Variants in ARID4B observed in about 807,000 individuals in gnomAD.
ARID4B encodes the protein AT-rich interaction domain 4B, also known as AT-rich interactive domain-containing protein 4B.
In ARID4B, 26 loss-of-function variants were observed where a neutral mutation model predicts 147.5. The ratio of observed to expected loss-of-function variants is 0.18; its 90% confidence interval spans 0.13 to 0.24. The LOEUF is 0.24. ARID4B is among the 10% of genes least tolerant of loss of function. The pLI is 1.00. For missense variants in ARID4B, 1,179 were observed against 1,511.5 expected, an observed-to-expected ratio of 0.78 and a Z score of 3.65; for synonymous variants, 512 against 507.9, an observed-to-expected ratio of 1.01 and a Z score of -0.11.
chr1:235,221,225 C>T (rs182416032), intron 14 of ARID4B, among the ~76,000 whole-genome samples: 6 of 152,322 alleles, frequency 3.9e-5, no homozygotes, highest in Admixed American at 1.3e-4. Flanking sequence ...AATGAAGAAA[C>T]TGAGGCTTAG....
At chr1:235,234,103 G>A (rs1250804701) in intron 9 of ARID4B, among the ~76,000 whole-genome samples, 2 of 151,956 alleles carry the variant, frequency 1.3e-5, no homozygotes, top group Admixed American at 1.3e-4. Context: ...AATCAATAAA[G>A]TATTAAATAC....
In ARID4B at chr1:235,223,942, T is replaced by C. The variant is rs141280673; in HGVS notation, c.971-682A>G. Reference sequence around the variant, plus strand: ...GCATACTTCTTAGGCCAACCCTCCATTCATGTAAAGAAATAATACAAGAAT... The same window carrying C: ...GCATACTTCTTAGGCCAACCCTCCACTCATGTAAAGAAATAATACAAGAAT... On this transcript the variant is annotated intron_variant, in intron 12 of 23. Coordinates refer to ENST00000264183, the MANE Select transcript of ARID4B (RefSeq NM_016374.6). 1.4e-4 allele frequency among the ~76,000 whole-genome samples: 22 copies of C among 152,280 alleles called. No homozygotes were observed. The East Asian group carries it at 2.5e-3, about 17-fold the overall frequency.
At chr1:235,208,864 G>T (rs1374656222) in intron 17 of ARID4B, among the ~76,000 whole-genome samples, 1 of 152,094 alleles carries the variant, frequency 6.6e-6, no homozygotes, top group Non-Finnish European at 1.5e-5. Context: ...TTTCTAAATT[G>T]TTATTTTTAG....
chr1:235,196,472 T>C (rs1665496789), intron 17 of ARID4B, among the ~76,000 whole-genome samples: 1 of 152,202 alleles, frequency 6.6e-6, no homozygotes, highest in Admixed American at 6.5e-5. Flanking sequence ...GTTTCATTCT[T>C]AAGCAGCAGG....
chr1:235,266,599 A>T (rs1670626511), intron 2 of ARID4B, among the ~76,000 whole-genome samples: 1 of 152,222 alleles, frequency 6.6e-6, no homozygotes, highest in African/African-American at 2.4e-5. Context: ...AAAACACTGA[A>T]TTCCATGGGA....
chr1:235,297,184 T>A (rs987658356), intron 2 of ARID4B, among the ~76,000 whole-genome samples: 5 of 152,130 alleles, frequency 3.3e-5, no homozygotes, highest in African/African-American at 1.2e-4. Flanking sequence ...GGAACCCATC[T>A]GAAGGGGTTC....
At chr1:235,211,098 C>G (rs767053189) in intron 17 of ARID4B, among the ~76,000 whole-genome samples, 4 of 152,184 alleles carry the variant, frequency 2.6e-5, no homozygotes, top group Non-Finnish European at 5.9e-5. Flanking sequence ...CTTTGGGAGG[C>G]TGAGGCAGGT....
Position 235,182,193 on chromosome 1 carries a change from A to G in ARID4B, c.2726T>C (p.Leu909Ser). The G allele has an allele frequency of 6.2e-7, 1 of 1,613,954 alleles. No homozygotes were observed. Among genetic ancestry groups the G allele is most frequent in the Non-Finnish European group, 8.5e-7 (1 of 1,180,002 alleles). Residue 909 changes from leucine (L) to serine (S), a missense_variant, in exon 20 of 24, where the codon TTA (leucine) becomes TCA (serine). By Grantham distance (145) the Leu-to-Ser change is moderately radical. This residue lies in a region of ARID4B where 321 missense variants were observed against 342.4 expected (regional missense o/e 0.94). Coordinates refer to ENST00000264183, the MANE Select transcript of ARID4B (RefSeq NM_016374.6). ...SEVAEKRIKL[L>S]NNSDERLQNS... ...TTGAAGTCTTTCATCAGAGTTATTT[A>G]AAAGTTTAATCCTTTTTTCTGCCAC...
At chr1:235,211,410 A>C (rs1666713563) in intron 17 of ARID4B, among the ~76,000 whole-genome samples, 1 of 152,124 alleles carries the variant, frequency 6.6e-6, no homozygotes, top group African/African-American at 2.4e-5. Context: ...AGAACACCTA[A>C]ATTCTATCCC....
intron 9 of ARID4B, among the ~76,000 whole-genome samples, chr1:235,231,781 C>A (rs1305835327): frequency 2.6e-5 from 4 of 152,208 alleles, no homozygotes; most frequent in African/African-American, 9.7e-5. Context: ...AGCCACCACA[C>A]CCGGCCAAAA....
chr1:235,240,377 C>T lies in ARID4B; in HGVS notation c.521G>A (p.Gly174Asp). The T allele has an allele frequency of 6.2e-7, 1 of 1,613,448 alleles. No homozygotes were observed. Residue 174 changes from glycine (G) to aspartate (D), a missense_variant, in exon 8 of 24, where the codon GGC (glycine) becomes GAC (aspartate). Around this residue, in one of 10 missense-constraint regions of ARID4B, gnomAD observed 159 missense variants for 190.5 expected, o/e 0.83. Coordinates refer to ENST00000264183, the MANE Select transcript of ARID4B (RefSeq NM_016374.6). ...DDRKQIDELL[G>D]KVVCVDYISL... ...AATGTAATCTACACATACAACTTTG[C>T]CTAGTAGCTCATCAATCTGTTTCCT... is the stretch of plus-strand genomic sequence containing the variant.
intron 2 of ARID4B, among the ~76,000 whole-genome samples, chr1:235,266,246 A>G (rs1185817879): frequency 6.6e-6 from 1 of 152,162 alleles, no homozygotes; most frequent in Non-Finnish European, 1.5e-5. Flanking sequence ...CATAAAAAAG[A>G]TTATGTCAGC....
chr1:235,177,615 GTTTTT>G lies in ARID4B; in HGVS notation c.3448+180_3448+184del, dbSNP rs754941124. ...ACATTAGGTATTTGTCCTAGTGCAT[GTTTTT>G]TTTTTGTCTATTTTGTTTTTTAAAG... On this transcript the variant is annotated intron_variant, in intron 21 of 23. Coordinates refer to ENST00000264183, the MANE Select transcript of ARID4B (RefSeq NM_016374.6). The G allele has an allele frequency of 2.0e-5, 9 of 441,442 alleles. No individual in the cohort carries two copies. In the South Asian group the frequency reaches 3.4e-4, roughly 16 times the overall value. The allele number at this position is 441,442 out of a possible 1,614,324, so 27.3% of individuals were successfully genotyped here. A position where few individuals can be genotyped will look rare whatever the true frequency, so the allele number is the denominator to read the frequency against.
intron 2 of ARID4B, among the ~76,000 whole-genome samples, chr1:235,298,935 GGC>G (rs1672939514): frequency 7.0e-6 from 1 of 142,536 alleles, no homozygotes; most frequent in African/African-American, 2.7e-5. Context: ...CCAGCACAGT[GGC>G]ATTTCATTCA....
chr1:235,276,470 T>A (rs901999262), intron 2 of ARID4B, among the ~76,000 whole-genome samples: 6 of 152,124 alleles, frequency 3.9e-5, no homozygotes, highest in African/African-American at 1.4e-4. Flanking sequence ...TTTTCAAAGT[T>A]ATAAACTTCT....
chr1:235,184,912 A>G (rs12084228), intron 19 of ARID4B, among the ~76,000 whole-genome samples: 27,452 of 152,010 alleles, frequency 0.18, 3,615 homozygotes, highest in African/African-American at 0.37. Flanking sequence ...CTCTTCCTGG[A>G]TTCAAGCAAT....
rs1260390457 is a variant in ARID4B at position 235,220,366 on chromosome 1, A to G, written c.1343T>C (p.Ile448Thr). The G allele has an allele frequency of 6.2e-7, 1 of 1,605,282 alleles. No individual in the cohort carries two copies. Among genetic ancestry groups the G allele is most frequent in the East Asian group, 2.2e-5 (1 of 44,646 alleles). Residue 448 changes from isoleucine to threonine, a missense_variant, in exon 15 of 24, where the codon ATA becomes ACA. By Grantham distance (89) the Ile-to-Thr change is moderately conservative. Coordinates refer to ENST00000264183, the MANE Select transcript of ARID4B (RefSeq NM_016374.6). Reference protein sequence around the residue: ...EIKMEEERNIIPREEKPIEDE... With the variant: ...EIKMEEERNITPREEKPIEDE... ...CTCAATAGGCTTTTCTTCTCTTGGT[A>G]TTATATTCCTCTCCTCCTCCATCTT...
intron 13 of ARID4B, among the ~76,000 whole-genome samples, chr1:235,221,886 A>ATTTTTTTTTTTTTTTTTTTTTTTTT (rs768600040): frequency 7.5e-5 from 4 of 53,632 alleles, no homozygotes; most frequent in Admixed American, 2.5e-4. Flanking sequence ...TCATTTGACT[A>ATTTTTTTTTTTTTTTTTTTTTTTTT]TTTTTTTTTT....
chr1:235,269,843 G>A (rs1218353045), intron 2 of ARID4B, among the ~76,000 whole-genome samples: 1 of 151,994 alleles, frequency 6.6e-6, no homozygotes, highest in Non-Finnish European at 1.5e-5. Context: ...ATTTTGTAAA[G>A]TAATATATAT....
Sources: allele counts gnomAD v4.1 joint callset (sites outside exome capture counted in the v4.1 genomes callset), GRCh38; gene constraint gnomAD v4.1.1; regional missense constraint gnomAD v4.1.1; transcripts MANE v1.5; gene names NCBI Gene and HGNC (gene_info 2026-07-23, HGNC 2026-07-21).